PAG1: variants seen among roughly 807,000 people sequenced by gnomAD.
PAG1 encodes phosphoprotein associated with glycosphingolipid-enriched microdomains 1.
PAG1 carries 23 observed loss-of-function variants against 31.7 expected under a neutral mutation model. The observed-to-expected ratio is 0.73, with a 90% CI of 0.52 to 1.03. The LOEUF (loss-of-function observed/expected upper bound fraction) is 1.03, where lower values mean the gene tolerates loss of function less well. Among genes scored for constraint, PAG1 ranks in the 50% least tolerant of loss-of-function variants. PAG1 has a pLI of 0.00. For synonymous variants in PAG1, 214 were observed against 210.3 expected, an observed-to-expected ratio of 1.02 and a Z score of -0.15; for missense variants, 473 against 540.7, an observed-to-expected ratio of 0.87 and a Z score of 1.24.
At chr8:81,094,462 T>C (rs1056293235) in intron 1 of PAG1, among the ~76,000 whole-genome samples, 2 of 152,222 alleles carry the variant, frequency 1.3e-5, no homozygotes, top group African/African-American at 2.4e-5. Flanking sequence ...AAATGATTCA[T>C]GGCAACTGAA....
In PAG1 at chr8:81,019,215, G is replaced by C. The variant is rs184463161; in HGVS notation, c.-81+10781C>G. Among the ~76,000 whole-genome samples the C allele has an allele frequency of 4.3e-4, 65 of 152,346 alleles. No homozygotes were observed. In the East Asian group the frequency reaches 0.01, roughly 23 times the overall value. On this transcript the variant is annotated intron_variant, in intron 3 of 8. Transcript: ENST00000220597. ...ATTCAAGAGGAAGCAGAGAATAAAA[G>C]TTTGGAAAATTTGCAGCCTGATGAT...
chr8:80,999,069 G>A (rs1807738952), intron 3 of PAG1, among the ~76,000 whole-genome samples: 1 of 152,150 alleles, frequency 6.6e-6, no homozygotes, highest in Admixed American at 6.5e-5. Context: ...AGCTGCACAG[G>A]CTAAGATGAA....
chr8:81,107,882 G>A (rs1449416714), intron 1 of PAG1, among the ~76,000 whole-genome samples: 1 of 152,194 alleles, frequency 6.6e-6, no homozygotes, highest in African/African-American at 2.4e-5. Context: ...AATGCATGAG[G>A]CAGGAGCTCT....
At chr8:81,085,972 GTTTTTTTTTTTT>G (rs869177030) in intron 1 of PAG1, among the ~76,000 whole-genome samples, 2 of 58,876 alleles carry the variant, frequency 3.4e-5, no homozygotes, top group African/African-American at 7.3e-5. Flanking sequence ...AATCTGGCTT[GTTTTTTTTTTTT>G]TTTTTTTTTT....
chr8:81,033,552 A>G (rs1292708294), intron 2 of PAG1, among the ~76,000 whole-genome samples: 2 of 152,206 alleles, frequency 1.3e-5, no homozygotes, highest in African/African-American at 4.8e-5. Context: ...ATTTAGTCAA[A>G]CATGACCTCT....
chr8:81,047,386 A>G (rs1257218875), intron 2 of PAG1, among the ~76,000 whole-genome samples: 1 of 152,156 alleles, frequency 6.6e-6, no homozygotes, highest in Admixed American at 6.5e-5. Flanking sequence ...AGCCATTCTG[A>G]CTGATGTGAG....
intron 1 of PAG1, among the ~76,000 whole-genome samples, chr8:81,080,692 CAT>C (rs1809252095): frequency 6.6e-6 from 1 of 152,182 alleles, no homozygotes; most frequent in Non-Finnish European, 1.5e-5. Flanking sequence ...TGGATTTTTA[CAT>C]ATCTCACAAT....
intron 1 of PAG1, among the ~76,000 whole-genome samples, chr8:81,073,531 C>G (rs749782231): frequency 1.3e-5 from 2 of 152,122 alleles, no homozygotes; most frequent in Admixed American, 6.5e-5. Flanking sequence ...TCAAAAAGAC[C>G]GGGAGTGGCT....
intron 6 of PAG1, among the ~76,000 whole-genome samples, chr8:80,986,040 G>A (rs995586895): frequency 9.2e-5 from 14 of 152,200 alleles, no homozygotes; most frequent in African/African-American, 3.4e-4. Context: ...TGTCAACCGT[G>A]TTGTGAGTGC....
At position 80,970,987 on chromosome 8, in the gene PAG1, AC is replaced by A. The variant is rs1306348623; in HGVS notation, c.*5556del. On this transcript the variant is annotated 3_prime_UTR_variant, in exon 9 of 9. Transcript: ENST00000220597. Reference sequence around the variant, plus strand: ...ACACAAAGCGATAGGCCAGCTAAGTACCAGGAGACAAACTGAGGTGGGAGGA... The same window carrying A: ...ACACAAAGCGATAGGCCAGCTAAGTACAGGAGACAAACTGAGGTGGGAGGA... The A allele has an allele frequency of 6.5e-6, 1 of 152,738 alleles. No homozygotes were observed. Among genetic ancestry groups the A allele is most frequent in the Non-Finnish European group, 1.5e-5 (1 of 68,118 alleles). 9.5% of individuals were successfully genotyped at this position (152,738 alleles called of 1,614,324 possible).
chr8:80,992,828 G>A (rs1267069880), intron 4 of PAG1, among the ~76,000 whole-genome samples: 1 of 152,236 alleles, frequency 6.6e-6, no homozygotes. Flanking sequence ...ACAAGGGTGT[G>A]ATCGAAAGAA....
At chr8:81,111,447 G>T in intron 1 of PAG1, 144 bp downstream of exon 1, 1 of 152,664 alleles carries the variant, frequency 6.6e-6, no homozygotes, top group Non-Finnish European at 1.5e-5. Flanking sequence ...CAGCTGCCTT[G>T]TCCCCTTCTT....
At chr8:81,041,233 G>T (rs1808549811) in intron 2 of PAG1, among the ~76,000 whole-genome samples, 1 of 152,092 alleles carries the variant, frequency 6.6e-6, no homozygotes. Context: ...TGTTGCCATG[G>T]TAACTATCCT....
chr8:81,021,771 C>T (rs1808176311), intron 3 of PAG1, among the ~76,000 whole-genome samples: 1 of 151,944 alleles, frequency 6.6e-6, no homozygotes, highest in Admixed American at 6.6e-5. Flanking sequence ...TTAGAAGGAC[C>T]TGGAAACAGA....
intron 1 of PAG1, among the ~76,000 whole-genome samples, chr8:81,090,368 C>G (rs1472895024): frequency 6.6e-6 from 1 of 152,160 alleles, no homozygotes; most frequent in Non-Finnish European, 1.5e-5. Flanking sequence ...ATGAGACATT[C>G]TGTTACTTAG....
intron 2 of PAG1, among the ~76,000 whole-genome samples, chr8:81,044,855 T>A (rs1808614138): frequency 1.3e-5 from 2 of 152,188 alleles, no homozygotes; most frequent in Non-Finnish European, 2.9e-5. Context: ...GCATGACTAG[T>A]GTTCCATTGC....
chr8:81,019,572 A>G (rs1808127407), intron 3 of PAG1, among the ~76,000 whole-genome samples: 1 of 152,252 alleles, frequency 6.6e-6, no homozygotes, highest in Non-Finnish European at 1.5e-5. Context: ...TTGGTGGCTT[A>G]CACATGGTGT....
intron 3 of PAG1, among the ~76,000 whole-genome samples, chr8:81,022,017 C>G (rs1808182024): frequency 6.6e-6 from 1 of 152,210 alleles, no homozygotes; most frequent in Non-Finnish European, 1.5e-5. Context: ...CCAAACAAGA[C>G]TGATTCATCT....
intron 1 of PAG1, among the ~76,000 whole-genome samples, chr8:81,110,512 T>C (rs942167680): frequency 2.6e-5 from 4 of 152,234 alleles, no homozygotes; most frequent in African/African-American, 9.6e-5. Context: ...TCCTTCAAAG[T>C]AGGGCACTGC....
Sources: gnomAD v4.1 joint callset for allele counts (sites outside exome capture counted in the v4.1 genomes callset) on GRCh38, gnomAD v4.1.1 for gene constraint, MANE v1.5 for transcripts, NCBI Gene and HGNC (gene_info 2026-07-23, HGNC 2026-07-21) for gene names.